Variants in TNXB observed in about 807,000 individuals in gnomAD.
The protein encoded by TNXB is tenascin-X.
In TNXB, 183 loss-of-function variants were observed where a neutral mutation model predicts 340.5. That is an observed-to-expected ratio of 0.54 (90% CI 0.48 to 0.61). TNXB has a LOEUF of 0.61. TNXB is among the 20% of genes least tolerant of loss of function. The pLI is 0.00. For synonymous variants in TNXB, 2,121 were observed against 2,314.5 expected, an observed-to-expected ratio of 0.92 and a Z score of 2.40; for missense variants, 4,613 against 5,446.4, an observed-to-expected ratio of 0.85 and a Z score of 4.82.
chr6:32,082,418 C>T lies in TNXB; in HGVS notation c.3446-92G>A, dbSNP rs1779524007. 1.5e-6 allele frequency: 2 copies of T among 1,335,102 alleles called. No homozygotes were observed. Among genetic ancestry groups the T allele is most frequent in the Admixed American group, 2.1e-5 (1 of 47,594 alleles). The allele number at this position is 1,335,102 out of a possible 1,614,324, so 82.7% of individuals were successfully genotyped here. Reference sequence around the variant, plus strand: ...CATAGGAATGCTGTGTGAGGCTGTGCAGGTTGTTCACTGCACAAAAGTGCA... The same window carrying T: ...CATAGGAATGCTGTGTGAGGCTGTGTAGGTTGTTCACTGCACAAAAGTGCA... On this transcript the variant is annotated intron_variant, in intron 8 of 43. Coordinates refer to ENST00000644971, the MANE Select transcript of TNXB (RefSeq NM_001365276.2). This position sits in a 1 kb window ranked among gnomAD's most constrained non-coding sequence, Gnocchi z 5.0.
rs1171920612 is a variant in TNXB at position 32,097,221 on chromosome 6, G to A, written c.632C>T (p.Pro211Leu). 1.2e-6 allele frequency: 2 copies of A among 1,600,348 alleles called. No individual in the cohort carries two copies. The highest frequency in any genetic ancestry group is 3.5e-5 in the Admixed American group (2 of 57,182). Reference protein sequence around the residue: ...RCVCFPGYTGPSCGWPSCPGD... With the variant: ...RCVCFPGYTGLSCGWPSCPGD... ...GGGACAGGATGGCCAGCCACAGCTG[G>A]GGCCAGTGTAGCCGGGAAAGCACAC... The change falls in exon 3 of 44, where the codon CCC becomes CTC. Residue 211 changes from proline to leucine, a missense_variant. Coordinates refer to ENST00000644971, the MANE Select transcript of TNXB (RefSeq NM_001365276.2). This position sits in a 1 kb window ranked among gnomAD's most constrained non-coding sequence, Gnocchi z 5.9.
rs754633417 is a variant in TNXB at position 32,046,316 on chromosome 6, G to A, written c.10465C>T (p.Gln3489Ter). The A allele has an allele frequency of 6.8e-6, 11 of 1,606,656 alleles. No homozygotes were observed. The highest frequency in any genetic ancestry group is 9.3e-6 in the Non-Finnish European group (11 of 1,178,134). The change falls in exon 31 of 44, where the codon CAG (glutamine) becomes TAG (stop). Residue 3489 changes from glutamine (Q) to a stop codon, truncating the protein, a stop_gained. Coordinates refer to ENST00000644971, the MANE Select transcript of TNXB (RefSeq NM_001365276.2). LOFTEE classifies it high-confidence loss of function. The surrounding 1 kb of genome is among the most constrained non-coding windows in gnomAD (Gnocchi z 6.9). ...GCGGCCACAGGCACTGCCCTGGGCTGCCCGTCCGTGTCCCTGTACTGGACC... is the reference window on the plus strand; with the variant it reads ...GCGGCCACAGGCACTGCCCTGGGCTACCCGTCCGTGTCCCTGTACTGGACC... Reference protein sequence around the residue: ...FVVQYRDTDGQPRAVPVAADQ... With the variant: ...FVVQYRDTDG
chr6:32,054,279 C>T (rs1159863338), intron 24 of TNXB, among the ~76,000 whole-genome samples: 1 of 152,186 alleles, frequency 6.6e-6, no homozygotes, highest in African/African-American at 2.4e-5. Context: ...CTCCCTGCCA[C>T]CCCATCCCCA....
In TNXB at chr6:32,099,231, CTCACTTT is replaced by C. The variant is rs1190924143; in HGVS notation, c.-8-1032_-8-1026del. On this transcript the variant is annotated intron_variant, in intron 1 of 43. Transcript: ENST00000644971. ...TGCAGATTATCTTCTCCCTCTCTCTCTCACTTTTTTTTTTTTTTTTGAGATGGAATCT... is the reference window on the plus strand; with the variant it reads ...TGCAGATTATCTTCTCCCTCTCTCTCTTTTTTTTTTTTTGAGATGGAATCT... 5.6e-3 allele frequency among the ~76,000 whole-genome samples: 549 copies of C among 97,696 alleles called. 1 individual carries two copies. The highest frequency in any genetic ancestry group is 0.02 in the African/African-American group (514 of 25,388). The allele number at this position is 97,696 out of a possible 152,430, so 64.1% of individuals were successfully genotyped here. A position where few individuals can be genotyped will look rare whatever the true frequency, so the allele number is the denominator to read the frequency against.
At position 32,094,972 on chromosome 6, in the gene TNXB, A is replaced by G. The variant is rs1780247342; in HGVS notation, c.2358+104T>C. ...TTACAGCAGCTTCAGGTACCCAGCC[A>G]TCTGGACTCAACCAATGATCACCTG... On this transcript the variant is annotated intron_variant, in intron 4 of 43. Transcript: ENST00000644971. 7.4e-6 allele frequency: 7 copies of G among 939,640 alleles called. No individual in the cohort carries two copies. The South Asian group carries it at 1.1e-4, about 14-fold the overall frequency. 58.2% of individuals were successfully genotyped at this position (939,640 alleles called of 1,614,324 possible).
At position 32,082,800 on chromosome 6, in the gene TNXB, C is replaced by T. The variant is rs187634275; in HGVS notation, c.3446-474G>A. On this transcript the variant is annotated intron_variant, in intron 8 of 43. Coordinates refer to ENST00000644971, the MANE Select transcript of TNXB (RefSeq NM_001365276.2). This position sits in a 1 kb window ranked among gnomAD's most constrained non-coding sequence, Gnocchi z 5.0. Reference sequence around the variant, plus strand: ...AGCCTCCCTCATCTATGCTGCAGGCCTCTCCTCCTCTTTGGGAACTTTGAC... The same window carrying T: ...AGCCTCCCTCATCTATGCTGCAGGCTTCTCCTCCTCTTTGGGAACTTTGAC... Among the ~76,000 whole-genome samples the T allele has an allele frequency of 6.6e-5, 10 of 152,264 alleles. No homozygotes were observed. The highest frequency in any genetic ancestry group is 2.0e-4 in the Admixed American group (3 of 15,300).
intron 1 of TNXB, among the ~76,000 whole-genome samples, chr6:32,105,128 C>A (rs1780914300): frequency 6.6e-6 from 1 of 152,168 alleles, no homozygotes. Flanking sequence ...TCCATTCCAG[C>A]TCCACTGACC....
intron 18 of TNXB, 104 bp from the exon 19 acceptor site, chr6:32,065,221 C>T (rs1222929801): frequency 6.7e-6 from 7 of 1,042,298 alleles, no homozygotes; most frequent in Non-Finnish European, 8.1e-6. Context: ...CTGGCCCTAA[C>T]TTAAGATCGA....
At chr6:32,078,071 AAGAGAAAGAAAGAAAGAAAGAAAG>A (rs1476803501) in intron 11 of TNXB, among the ~76,000 whole-genome samples, 31 of 101,148 alleles carry the variant, frequency 3.1e-4, no homozygotes, top group African/African-American at 1.3e-3. Context: ...GACAGAAAGA[AAGAGAAAGAAAGAAAGAAAGAAAG>A]AAAGAAAGAA....
At chr6:32,057,379 A>C (rs531397949) in intron 22 of TNXB, among the ~76,000 whole-genome samples, 14 of 151,514 alleles carry the variant, frequency 9.2e-5, no homozygotes, top group South Asian at 8.4e-4. Flanking sequence ...ATACCTTCCT[A>C]CCCCACCTCC....
intron 1 of TNXB, among the ~76,000 whole-genome samples, chr6:32,099,958 A>AC (rs1334319705): frequency 4.0e-5 from 6 of 151,314 alleles, no homozygotes; most frequent in South Asian, 2.1e-4. Flanking sequence ...AAAAAAAAAA[A>AC]AAAAAAAAAA....
At chr6:32,095,370 TTCAG>T (rs1780271254) in intron 3 of TNXB, among the ~76,000 whole-genome samples, 179 bp from the exon 4 acceptor site, 1 of 152,132 alleles carries the variant, frequency 6.6e-6, no homozygotes, top group African/African-American at 2.4e-5. Context: ...TCTCTCCATC[TTCAG>T]GAGCACAGAA....
intron 18 of TNXB, 57 bp from the exon 19 acceptor site, chr6:32,065,174 C>T: frequency 6.9e-7 from 1 of 1,447,664 alleles, no homozygotes; most frequent in South Asian, 1.4e-5. Context: ...GTTGAGGCCC[C>T]AGCTGTCTTG....
At position 32,069,437 on chromosome 6, in the gene TNXB, C is replaced by T. The variant is rs961819850; in HGVS notation, c.5587+116G>A. The stretch of plus-strand genomic sequence containing the variant: ...CTGACTCTAAAGGGGCACAAGGAAA[C>T]TTTCTGGATCAATGGAAATGATATA... On this transcript the variant is annotated intron_variant, in intron 15 of 43. Transcript: ENST00000644971. This position sits in a 1 kb window ranked among gnomAD's most constrained non-coding sequence, Gnocchi z 6.2. 1 of 1,297,766 alleles carries T rather than the reference C, an allele frequency of 7.7e-7. No homozygotes were observed. Among genetic ancestry groups the T allele is most frequent in the African/African-American group, 1.5e-5 (1 of 67,352 alleles). The allele number at this position is 1,297,766 out of a possible 1,614,324, so 80.4% of individuals were successfully genotyped here.
intron 22 of TNXB, among the ~76,000 whole-genome samples, chr6:32,057,300 G>A (rs542813868): frequency 7.9e-5 from 12 of 152,306 alleles, no homozygotes; most frequent in South Asian, 4.1e-4. Context: ...AGCCTGGGGT[G>A]TGTTCCTGGA....
rs558203628 is a variant in TNXB, at chr6:32,081,600, G to A, written c.3810C>T (p.Thr1270=). 1.9e-5 allele frequency: 30 copies of A among 1,601,462 alleles called. No homozygotes were observed. Among genetic ancestry groups the A allele is most frequent in the African/African-American group, 2.7e-5 (2 of 74,888 alleles). The part of the protein sequence containing the change: ...EQPLLGELTV[T]GVTPDSLRLS... ...GACGCAAGGAGTCTGGGGTCACGCC[G>A]GTCACTGTCAGTTCCCCCAGGAGGG... The change falls in exon 10 of 44, where the codon ACC becomes ACT. Residue 1270 remains threonine, a synonymous_variant. Transcript: ENST00000644971. The surrounding 1 kb of genome is among the most constrained non-coding windows in gnomAD (Gnocchi z 5.1).
Position 32,062,100 on chromosome 6 carries a change from G to C in TNXB, c.7168+57C>G. The C allele has an allele frequency of 1.9e-6, 3 of 1,555,180 alleles. No individual in the cohort carries two copies. In the South Asian group the frequency reaches 3.6e-5, roughly 19 times the overall value. On this transcript the variant is annotated intron_variant, in intron 20 of 43. Transcript: ENST00000644971. This position sits in a 1 kb window ranked among gnomAD's most constrained non-coding sequence, Gnocchi z 4.3. ...CCATTCCCCACCAGTCATCACCAAA[G>C]AGCAAGAGGGTGACCCTCCCATGGC...
intron 19 of TNXB, among the ~76,000 whole-genome samples, chr6:32,063,525 T>A (rs1374315482): frequency 6.6e-6 from 1 of 152,116 alleles, no homozygotes; most frequent in Non-Finnish European, 1.5e-5. Flanking sequence ...GAAACCAACT[T>A]AGATTTTATA....
Position 32,095,737 on chromosome 6 carries a change from C to T in TNXB, c.2116G>A (p.Val706Ile). ...ELCRAGQCVC[V>I]EGFRGPDCAI... ...CAGTCAGGGCCTCGGAAGCCCTCTACACACACACACTGGCCTGCCCGGCAC... is the reference window on the plus strand; with the variant it reads ...CAGTCAGGGCCTCGGAAGCCCTCTATACACACACACTGGCCTGCCCGGCAC... Residue 706 changes from valine (V) to isoleucine (I), a missense_variant, in exon 3 of 44, where the codon GTA becomes ATA. Physicochemically the swap from Val to Ile is conservative, Grantham distance 29 (BLOSUM62 3). Coordinates refer to ENST00000644971, the MANE Select transcript of TNXB (RefSeq NM_001365276.2). The T allele has an allele frequency of 6.2e-7, 1 of 1,612,476 alleles. No individual in the cohort carries two copies. The highest frequency in any genetic ancestry group is 8.5e-7 in the Non-Finnish European group (1 of 1,179,038).
Sources: allele counts gnomAD v4.1 joint callset (sites outside exome capture counted in the v4.1 genomes callset), GRCh38; gene constraint gnomAD v4.1.1; non-coding constraint Gnocchi (gnomAD v3.1); transcripts MANE v1.5; gene names NCBI Gene and HGNC (gene_info 2026-07-23, HGNC 2026-07-21).